TUB: variants seen among roughly 807,000 people sequenced by gnomAD.
TUB encodes the protein TUB bipartite transcription factor, also known as tubby protein homolog.
TUB carries 33 observed loss-of-function variants against 59.7 expected under a neutral mutation model. The observed-to-expected ratio is 0.55, with a 90% CI of 0.42 to 0.74. The LOEUF is 0.74. Ranked by LOEUF, TUB falls within the 30% of genes least tolerant of loss-of-function variation. The pLI, the probability that TUB is intolerant of heterozygous loss-of-function variation, is 0.00. For missense variants in TUB, 659 were observed against 672.0 expected, an observed-to-expected ratio of 0.98 and a Z score of 0.21; for synonymous variants, 293 against 256.4, an observed-to-expected ratio of 1.14 and a Z score of -1.36.
chr11:8,101,077 G>A (rs1589999998), intron 11 of TUB, 80 bp downstream of exon 11: 1 of 1,492,916 alleles, frequency 6.7e-7, no homozygotes, highest in Non-Finnish European at 9.2e-7. Flanking sequence ...ACCTAGCCCT[G>A]CCTACACTGG....
chr11:8,081,635 G>C lies in TUB; in HGVS notation c.38+87G>C, dbSNP rs554366598. The C allele has an allele frequency of 1.1e-5, 15 of 1,368,400 alleles. No homozygotes were observed. In the East Asian group the frequency reaches 4.1e-4, roughly 37 times the overall value. 84.8% of individuals were successfully genotyped at this position (1,368,400 alleles called of 1,614,324 possible). A position where few individuals can be genotyped will look rare whatever the true frequency, so the allele number is the denominator to read the frequency against. On this transcript the variant is annotated intron_variant, in intron 1 of 11. Transcript: ENST00000299506. ...ATACGCGGCCGGGGCGCAGGGCACC[G>C]CTGCCCTCCCCACCTATCCCAGCAC...
intron 6 of TUB, 115 bp from the exon 7 acceptor site, chr11:8,097,113 C>G: frequency 8.2e-7 from 1 of 1,222,530 alleles, no homozygotes; most frequent in Admixed American, 2.1e-5. Context: ...GCCCCAATCC[C>G]AGGATCCTTC....
intron 8 of TUB, 26 bp from the exon 9 acceptor site, chr11:8,098,732 C>T (rs752387368): frequency 1.3e-6 from 2 of 1,554,286 alleles, no homozygotes; most frequent in Non-Finnish European, 8.9e-7. Context: ...GTGCATGACT[C>T]TATACTGATT....
chr11:8,100,533 C>A lies in TUB; in HGVS notation c.1147C>A (p.Arg383=). The A allele has an allele frequency of 6.2e-7, 1 of 1,614,090 alleles. No homozygotes were observed. The highest frequency in any genetic ancestry group is 8.5e-7 in the Non-Finnish European group (1 of 1,180,008). ...AAACGTCTTAGGCTTCAAGGGGCCT[C>A]GGAAGATGAGCGTGATTGTCCCAGG... ...ETNVLGFKGP[R]KMSVIVPGMN... Residue 383 remains arginine, a synonymous_variant, in exon 10 of 12, where the codon CGG becomes AGG. Coordinates refer to ENST00000299506, the MANE Select transcript of TUB (RefSeq NM_177972.3).
At chr11:8,083,648 C>T (rs1260630698) in intron 1 of TUB, among the ~76,000 whole-genome samples, 1 of 151,918 alleles carries the variant, frequency 6.6e-6, no homozygotes, top group East Asian at 1.9e-4. Context: ...GCCGCAGACT[C>T]AGCCCTGAAG....
At chr11:8,072,161 G>A (rs1943371721) in intron 2 of TUB, among the ~76,000 whole-genome samples, 2 of 152,214 alleles carry the variant, frequency 1.3e-5, no homozygotes, top group Non-Finnish European at 2.9e-5. Flanking sequence ...AAAGGACGCA[G>A]AGGGGGAAGG....
intron 9 of TUB, 101 bp from the exon 10 acceptor site, chr11:8,100,402 G>T: frequency 1.1e-6 from 1 of 888,976 alleles, no homozygotes. Flanking sequence ...TCGGAGTGGA[G>T]ATGGTGGGAA....
chr11:8,041,054 AGG>A lies in TUB; in HGVS notation c.203+1365_203+1366del, dbSNP rs560491235. Among the ~76,000 whole-genome samples the A allele has an allele frequency of 1.3e-4, 20 of 152,338 alleles. No individual in the cohort carries two copies. The South Asian group carries it at 3.9e-3, about 30-fold the overall frequency. On this transcript the variant is annotated intron_variant, in intron 2 of 12. Coordinates refer to the TUB transcript ENST00000305253. ...AACCAGCATCACTGTGTGGGAGTCA[AGG>A]GGCTTCTCAGGAGTGAGTAGTCCTT...
At chr11:8,019,388 A>G in intron 1 of TUB, 1 of 1,235,156 alleles carries the variant, frequency 8.1e-7, no homozygotes, top group Non-Finnish European at 1.0e-6. Context: ...GCCCTGCGTG[A>G]GCGCCTGCTG....
At chr11:8,036,857 C>A (rs1273040805), upstream of TUB, among the ~76,000 whole-genome samples, 1 of 152,160 alleles carries the variant, frequency 6.6e-6, no homozygotes, top group African/African-American at 2.4e-5. Context: ...GAATGGACCT[C>A]CCTGGAGGAA....
upstream of TUB, among the ~76,000 whole-genome samples, chr11:8,034,916 G>C (rs1167759499): frequency 1.3e-5 from 2 of 152,238 alleles, no homozygotes; most frequent in African/African-American, 4.8e-5. Flanking sequence ...TTGCAGTCTT[G>C]TGAAATCTGA....
intron 1 of TUB, among the ~76,000 whole-genome samples, chr11:8,031,875 G>T (rs2133711421): frequency 1.3e-5 from 2 of 152,308 alleles, no homozygotes; most frequent in South Asian, 4.1e-4. Flanking sequence ...CTGGGTCCCG[G>T]TGCAGGGTTA....
chr11:8,044,380 T>G (rs1047063052), intron 2 of TUB, among the ~76,000 whole-genome samples: 40 of 152,274 alleles, frequency 2.6e-4, no homozygotes, highest in African/African-American at 9.2e-4. Flanking sequence ...TCTTGAAGCT[T>G]GACTTGCATC....
chr11:8,076,872 GC>G (rs1264512710), upstream of TUB: 1 of 152,168 alleles, frequency 6.6e-6, no homozygotes. Flanking sequence ...AATAGACATT[GC>G]TTTTAATTTT....
At chr11:8,059,083 G>A (rs1366227016) in intron 2 of TUB, among the ~76,000 whole-genome samples, 1 of 152,150 alleles carries the variant, frequency 6.6e-6, no homozygotes, top group Non-Finnish European at 1.5e-5. Flanking sequence ...GGGTGGGGTG[G>A]AGGGACAGAT....
Position 8,100,903 on chromosome 11 carries a change from C to G in TUB, c.1293C>G (p.Val431=). The G allele has an allele frequency of 1.9e-6, 3 of 1,614,196 alleles. No individual in the cohort carries two copies. The highest frequency in any genetic ancestry group is 2.5e-6 in the Non-Finnish European group (3 of 1,180,042). The change falls in exon 11 of 12, where the codon GTC becomes GTG. Residue 431 remains valine, a synonymous_variant. Transcript: ENST00000299506. The part of the protein sequence containing the change: ...SIIELQNKTP[V]WNDDTQSYVL... ...TCGAGCTGCAAAACAAGACACCTGT[C>G]TGGAATGATGACACACAGTCCTATG...
rs1177861586 is a variant in TUB, at chr11:8,104,189, T to G, written c.*2570T>G. ...GTTCTTGCCCTTCATACCCTCTACC[T>G]GGATGGATGGTCTTTGGGCAGGGAA... On this transcript the variant is annotated 3_prime_UTR_variant, in exon 12 of 12. Transcript: ENST00000299506. 6.6e-6 allele frequency: 1 copy of G among 152,262 alleles called. No individual in the cohort carries two copies. The highest frequency in any genetic ancestry group is 1.5e-5 in the Non-Finnish European group (1 of 68,090). 9.4% of individuals were successfully genotyped at this position (152,262 alleles called of 1,614,324 possible).
intron 2 of TUB, among the ~76,000 whole-genome samples, chr11:8,052,045 C>T (rs1942942186): frequency 6.6e-6 from 1 of 152,210 alleles, no homozygotes; most frequent in South Asian, 2.1e-4. Context: ...CACGTCGATA[C>T]CACTGTTTTT....
In TUB at chr11:8,102,600, T is replaced by TCCTC. The variant is rs1247824254; in HGVS notation, c.*982_*985dup. 2.6e-5 allele frequency: 4 copies of TCCTC among 151,472 alleles called. No individual in the cohort carries two copies. The highest frequency in any genetic ancestry group is 5.9e-5 in the Non-Finnish European group (4 of 67,994). 9.4% of individuals were successfully genotyped at this position (151,472 alleles called of 1,614,324 possible). On this transcript the variant is annotated 3_prime_UTR_variant, in exon 12 of 12. Coordinates refer to ENST00000299506, the MANE Select transcript of TUB (RefSeq NM_177972.3). ...CATGGCATGCTCCTTGAAGAATCTC[T>TCCTC]CCTCTCTCTCTCTCTCTGGAAAGAC...
Sources: gnomAD v4.1 joint callset for allele counts (sites outside exome capture counted in the v4.1 genomes callset) on GRCh38, gnomAD v4.1.1 for gene constraint, MANE v1.5 for transcripts, NCBI Gene and HGNC (gene_info 2026-07-23, HGNC 2026-07-21) for gene names.